Variants in PARG observed in about 807,000 individuals in gnomAD.
PARG encodes the protein mitochondrial poly(ADP-ribose) glycohydrolase.
PARG carries 35 observed loss-of-function variants against 113.0 expected under a neutral mutation model. That is an observed-to-expected ratio of 0.31 (90% confidence interval 0.24 to 0.41). PARG has a LOEUF of 0.41. Ranked by LOEUF, PARG falls within the 10% of genes least tolerant of loss-of-function variation. The pLI is 1.00. For missense variants in PARG, 797 were observed against 1,169.4 expected (o/e 0.68, Z 4.64); for synonymous variants, 330 against 409.9 (o/e 0.81, Z 2.36).
intron 9 of PARG, among the ~76,000 whole-genome samples, chr10:49,870,633 A>G (rs1846748871): frequency 6.6e-6 from 1 of 152,106 alleles, no homozygotes; most frequent in Non-Finnish European, 1.5e-5. Context: ...CTGAGTAAGT[A>G]GCTCACTAAA....
intron 13 of PARG, among the ~76,000 whole-genome samples, chr10:49,853,172 T>C (rs1845835681): frequency 6.6e-6 from 1 of 151,586 alleles, no homozygotes; most frequent in Non-Finnish European, 1.5e-5. Flanking sequence ...TAGCTGGGAC[T>C]ACAGGCACCT....
chr10:49,849,184 A>G (rs1554833760), intron 13 of PARG, among the ~76,000 whole-genome samples: 2 of 149,790 alleles, frequency 1.3e-5, no homozygotes. Flanking sequence ...AACAAGAGCG[A>G]AACTCCGTCT....
At chr10:49,916,704 T>A (rs575478954) in intron 6 of PARG, among the ~76,000 whole-genome samples, 3 of 152,164 alleles carry the variant, frequency 2.0e-5, no homozygotes, top group African/African-American at 7.2e-5. Flanking sequence ...CCACTAGATG[T>A]GCAGAAACAA....
chr10:49,857,002 T>A (rs1588904733), intron 13 of PARG, among the ~76,000 whole-genome samples: 1 of 93,972 alleles, frequency 1.1e-5, no homozygotes, highest in East Asian at 2.7e-4. Context: ...ACAGCAAACC[T>A]CTGTCTCAAA....
In PARG at chr10:49,933,761, T is replaced by C; in HGVS notation, c.687A>G (p.Arg229=). 6.2e-7 allele frequency: 1 copy of C among 1,613,554 alleles called. No individual in the cohort carries two copies. The highest frequency in any genetic ancestry group is 1.1e-5 in the South Asian group (1 of 91,066). ...AKQTTEDEQA[R]EAKSHQKCSK... ...TGCACTTCTGGTGGCTTTTGGCTTC[T>C]CTGGCCTGTTCATCTTCTGTAGTCT... Residue 229 remains arginine, a synonymous_variant, in exon 3 of 18, where the codon AGA becomes AGG. Coordinates refer to ENST00000616448, the MANE Select transcript of PARG (RefSeq NM_003631.5).
At chr10:49,881,861 A>G (rs1214378723) in intron 8 of PARG, among the ~76,000 whole-genome samples, 1 of 152,192 alleles carries the variant, frequency 6.6e-6, no homozygotes, top group Non-Finnish European at 1.5e-5. Flanking sequence ...ACCATTTCTG[A>G]GAAAAATAGA....
chr10:49,894,604 C>T (rs1414896239), intron 7 of PARG, among the ~76,000 whole-genome samples: 7 of 152,082 alleles, frequency 4.6e-5, no homozygotes, highest in African/African-American at 1.2e-4. Flanking sequence ...AATCCAGTTT[C>T]GCCAACACCA....
intron 7 of PARG, among the ~76,000 whole-genome samples, chr10:49,914,536 A>G (rs7096536): frequency 0.018 from 2,806 of 152,356 alleles, 93 homozygotes; most frequent in African/African-American, 0.064. Context: ...TTTGGATTCT[A>G]TTAACGTGAT....
intron 1 of PARG, among the ~76,000 whole-genome samples, chr10:49,939,711 C>G (rs1343714533): frequency 2.0e-5 from 3 of 152,226 alleles, no homozygotes; most frequent in Admixed American, 6.5e-5. Context: ...ATCTTATGCT[C>G]CAGTCTTACC....
chr10:49,915,917 CT>C lies in PARG; in HGVS notation c.1736del (p.Lys579ArgfsTer20). The part of the protein sequence containing the change: ...DFTALIDFWD[K>X]VLEEAEAQHL... ...CATAAAGAAATAAGGATACTTTTAC[CT>C]TATCCCAGAAATCGATCAAAGCTGT... On this transcript the variant is annotated frameshift_variant and splice_region_variant, in exon 7 of 18. Transcript: ENST00000616448. LOFTEE classifies it high-confidence loss of function. The C allele has an allele frequency of 1.4e-6, 2 of 1,464,792 alleles. No homozygotes were observed. Among genetic ancestry groups the C allele is most frequent in the Non-Finnish European group, 1.9e-6 (2 of 1,067,776 alleles). The allele number at this position is 1,464,792 out of a possible 1,614,324, so 90.7% of individuals were successfully genotyped here.
At chr10:49,838,911 C>T (rs1430706085) in intron 15 of PARG, among the ~76,000 whole-genome samples, 2 of 152,186 alleles carry the variant, frequency 1.3e-5, no homozygotes, top group African/African-American at 4.8e-5. Context: ...ACTCAACTTA[C>T]TAGGCTTTAT....
At position 49,874,779 on chromosome 10, in the gene PARG, G is replaced by A. The variant is rs534824941; in HGVS notation, c.1988+4894C>T. 7.4e-5 allele frequency among the ~76,000 whole-genome samples: 11 copies of A among 149,312 alleles called. No individual in the cohort carries two copies. In the South Asian group the frequency reaches 2.2e-3, roughly 29 times the overall value. ...TGAGGCAGGAGATTGGTGTGAACCC[G>A]GGAGGTGGAGCTTGCAGTGAGCCGA... On this transcript the variant is annotated intron_variant, in intron 9 of 17. Coordinates refer to ENST00000616448, the MANE Select transcript of PARG (RefSeq NM_003631.5).
intron 7 of PARG, among the ~76,000 whole-genome samples, chr10:49,898,163 A>G (rs1243487548): frequency 1.3e-5 from 2 of 152,234 alleles, no homozygotes; most frequent in Non-Finnish European, 2.9e-5. Flanking sequence ...TAAATTCTTT[A>G]TTTCCTCATC....
intron 7 of PARG, among the ~76,000 whole-genome samples, chr10:49,899,019 A>G (rs1323011924): frequency 6.6e-6 from 1 of 152,246 alleles, no homozygotes; most frequent in African/African-American, 2.4e-5. Context: ...AGTGGTGTTC[A>G]TATGTAAAAC....
Position 49,932,140 on chromosome 10 carries a change from G to A in PARG, c.1415C>T (p.Pro472Leu), listed in dbSNP as rs1554909951. 4.0e-5 allele frequency: 65 copies of A among 1,605,732 alleles called. No homozygotes were observed. Among genetic ancestry groups the A allele is most frequent in the Non-Finnish European group, 5.5e-5 (65 of 1,172,504 alleles). ...RRMPRCGIRLPLLRPSANHTV... is the reference protein window; with the variant it reads ...RRMPRCGIRLLLLRPSANHTV... Reference sequence around the variant, plus strand: ...GTGATTGGCAGATGGTCTCAAGAGAGGCAGCCGGATCCCACACCGAGGCAT... The same window carrying A: ...GTGATTGGCAGATGGTCTCAAGAGAAGCAGCCGGATCCCACACCGAGGCAT... The change falls in exon 4 of 18, where the codon CCT becomes CTT. Residue 472 changes from proline (P) to leucine (L), a missense_variant. By Grantham distance (98) the Pro-to-Leu change is moderately conservative. This residue lies in a region of PARG where 252 missense variants were observed against 437.4 expected (regional missense o/e 0.58). Transcript: ENST00000616448.
At chr10:49,827,136 G>C (rs1844398673) in intron 16 of PARG, among the ~76,000 whole-genome samples, 2 of 152,222 alleles carry the variant, frequency 1.3e-5, no homozygotes, top group South Asian at 4.1e-4. Flanking sequence ...GGTCTTTCTG[G>C]AGTAGTTACC....
chr10:49,887,758 T>C (rs1847568671), intron 7 of PARG, among the ~76,000 whole-genome samples: 1 of 152,210 alleles, frequency 6.6e-6, no homozygotes, highest in African/African-American at 2.4e-5. Context: ...TAAATAAAGC[T>C]ATCTTTAGTC....
chr10:49,854,332 GA>G (rs1845887895), intron 13 of PARG, among the ~76,000 whole-genome samples: 1 of 152,108 alleles, frequency 6.6e-6, no homozygotes, highest in Non-Finnish European at 1.5e-5. Context: ...TGGCCAGTAG[GA>G]AAAGCGTAAT....
At chr10:49,934,975 G>A (rs1838678595) in intron 2 of PARG, 101 bp downstream of exon 2, 1 of 644,264 alleles carries the variant, frequency 1.6e-6, no homozygotes. Flanking sequence ...CATAGATAAA[G>A]GAGAACAGAA....
Sources: allele counts gnomAD v4.1 joint callset (sites outside exome capture counted in the v4.1 genomes callset), GRCh38; gene constraint gnomAD v4.1.1; regional missense constraint gnomAD v4.1.1; transcripts MANE v1.5; gene names NCBI Gene and HGNC (gene_info 2026-07-23, HGNC 2026-07-21).